Variants in AFF3 observed in about 807,000 individuals in gnomAD.
The protein encoded by AFF3 is ALF transcription elongation factor 3.
In AFF3, 32 loss-of-function variants were observed where a neutral mutation model predicts 129.7. The observed-to-expected ratio is 0.25, with a 90% CI of 0.19 to 0.33. The LOEUF (loss-of-function observed/expected upper bound fraction) is 0.33. Ranked by LOEUF, AFF3 falls within the 10% of genes least tolerant of loss-of-function variation. AFF3 has a pLI of 1.00. For synonymous variants in AFF3, 644 were observed against 635.4 expected, an observed-to-expected ratio of 1.01 and a Z score of -0.20; for missense variants, 1,373 against 1,592.0, an observed-to-expected ratio of 0.86 and a Z score of 2.34.
chr2:99,690,639 A>T (rs182323208), intron 11 of AFF3, among the ~76,000 whole-genome samples: 5 of 152,290 alleles, frequency 3.3e-5, no homozygotes, highest in African/African-American at 1.2e-4. Context: ...GGTGCTTATG[A>T]AATAAAAGTT....
chr2:99,649,571 T>C, intron 13 of AFF3, 55 bp downstream of exon 13: 2 of 1,555,186 alleles, frequency 1.3e-6, no homozygotes, highest in South Asian at 1.1e-5. Flanking sequence ...CCACAATAAA[T>C]AGGGCTCAAT....
intron 18 of AFF3, among the ~76,000 whole-genome samples, chr2:99,571,012 C>G (rs1676427109): frequency 1.3e-5 from 2 of 152,254 alleles, no homozygotes; most frequent in South Asian, 4.1e-4. Flanking sequence ...ATCTTCTGAG[C>G]TGTACTGGGC....
chr2:99,600,662 T>C (rs1403829044), intron 14 of AFF3, among the ~76,000 whole-genome samples: 3 of 152,226 alleles, frequency 2.0e-5, no homozygotes, highest in Non-Finnish European at 4.4e-5. Flanking sequence ...AACTCTATTT[T>C]ACTCCTTGTT....
chr2:99,558,978 A>G lies in AFF3; in HGVS notation c.3192-10T>C, dbSNP rs548516852. On this transcript the variant is annotated splice_polypyrimidine_tract_variant and intron_variant, in intron 21 of 24. Coordinates refer to ENST00000672756, the MANE Select transcript of AFF3 (RefSeq NM_001386135.1). The stretch of plus-strand genomic sequence containing the variant: ...GGCCAGGCATCGGTAACTGCAGGCG[A>G]AAAGAGAAACAGGCCCAGAAGCGGC... The G allele has an allele frequency of 2.5e-5, 41 of 1,614,056 alleles. No homozygotes were observed. The South Asian group carries it at 4.0e-4, about 16-fold the overall frequency.
intron 20 of AFF3, 50 bp from the exon 21 acceptor site, chr2:99,560,486 G>T (rs1424374910): frequency 1.3e-6 from 2 of 1,551,882 alleles, no homozygotes; most frequent in Non-Finnish European, 1.8e-6. Context: ...AAAAAGCAAA[G>T]AAATAGTAAA....
chr2:99,854,176 T>C (rs1400006669), intron 7 of AFF3, among the ~76,000 whole-genome samples: 1 of 150,890 alleles, frequency 6.6e-6, no homozygotes, highest in Non-Finnish European at 1.5e-5. Flanking sequence ...GCAGTAGGAA[T>C]ATCTGCCAAA....
chr2:100,055,936 C>A (rs533829044), intron 4 of AFF3, among the ~76,000 whole-genome samples: 24 of 151,960 alleles, frequency 1.6e-4, no homozygotes, highest in Non-Finnish European at 3.2e-4. Flanking sequence ...CTTTCAGAGT[C>A]GGAGAAGGAA....
chr2:99,696,706 G>A (rs562039557), intron 11 of AFF3, among the ~76,000 whole-genome samples: 16 of 81,358 alleles, frequency 2.0e-4, no homozygotes, highest in African/African-American at 7.3e-4. Context: ...GCCCAGGCTG[G>A]AGTGCAGTGG....
chr2:100,089,107 G>A (rs1043579257), intron 4 of AFF3, among the ~76,000 whole-genome samples: 1 of 152,060 alleles, frequency 6.6e-6, no homozygotes, highest in Non-Finnish European at 1.5e-5. Context: ...TGCTCTGGGG[G>A]CTCCTGATAA....
At chr2:99,577,405 C>G (rs974061730) in intron 18 of AFF3, among the ~76,000 whole-genome samples, 1 of 152,086 alleles carries the variant, frequency 6.6e-6, no homozygotes, top group Non-Finnish European at 1.5e-5. Flanking sequence ...CCCCGCTGAG[C>G]GAGCTGTGGC....
chr2:100,024,296 C>T (rs777373916), intron 4 of AFF3, among the ~76,000 whole-genome samples: 4 of 149,380 alleles, frequency 2.7e-5, no homozygotes, highest in Non-Finnish European at 3.0e-5. Context: ...TAAAACAGGC[C>T]GGGCAGGGTG....
intron 8 of AFF3, among the ~76,000 whole-genome samples, chr2:99,815,353 ACTT>A (rs1415279320): frequency 6.6e-6 from 1 of 152,176 alleles, no homozygotes; most frequent in African/African-American, 2.4e-5. Context: ...CATCTGTAGA[ACTT>A]CTCCATCTTC....
At chr2:99,857,781 T>C (rs535716130) in intron 7 of AFF3, among the ~76,000 whole-genome samples, 3 of 152,338 alleles carry the variant, frequency 2.0e-5, no homozygotes, top group South Asian at 2.1e-4. Context: ...TTGTCACATT[T>C]TTCCTTGACT....
chr2:99,747,219 G>T (rs774731318), intron 9 of AFF3, among the ~76,000 whole-genome samples: 2 of 151,998 alleles, frequency 1.3e-5, no homozygotes, highest in Non-Finnish European at 2.9e-5. Context: ...TAGTAGAGAT[G>T]GGGTTTCACC....
intron 11 of AFF3, among the ~76,000 whole-genome samples, chr2:99,702,401 G>A (rs539011267): frequency 4.6e-5 from 7 of 152,164 alleles, no homozygotes; most frequent in Non-Finnish European, 1.0e-4. Flanking sequence ...GTGCAGTGGC[G>A]CCATCCCAGC....
chr2:99,940,066 C>T (rs1028594857), intron 7 of AFF3, among the ~76,000 whole-genome samples: 4 of 152,086 alleles, frequency 2.6e-5, no homozygotes, highest in African/African-American at 7.2e-5. Context: ...CTGCCAAATG[C>T]GTATGTCTAA....
rs116987767 is a variant in AFF3, at chr2:99,696,572, C to T, written c.1092-23983G>A. Reference sequence around the variant, plus strand: ...CTTCCTTCTGTATTAGACATGGTCTCTGGAAGCCCAGAGCATGGACTAACA... The same window carrying T: ...CTTCCTTCTGTATTAGACATGGTCTTTGGAAGCCCAGAGCATGGACTAACA... On this transcript the variant is annotated intron_variant, in intron 11 of 24. Transcript: ENST00000672756. 1.6e-3 allele frequency among the ~76,000 whole-genome samples: 245 copies of T among 152,306 alleles called. 4 individuals are homozygous for T. The East Asian group carries it at 0.042, about 26-fold the overall frequency.
chr2:99,960,818 G>A (rs1224821274), intron 7 of AFF3, among the ~76,000 whole-genome samples: 1 of 152,140 alleles, frequency 6.6e-6, no homozygotes, highest in Non-Finnish European at 1.5e-5. Context: ...GAAGAGGAAG[G>A]CGTTCCAGGA....
At chr2:100,095,375 T>C (rs1471736918) in intron 4 of AFF3, among the ~76,000 whole-genome samples, 1 of 151,986 alleles carries the variant, frequency 6.6e-6, no homozygotes, top group African/African-American at 2.4e-5. Flanking sequence ...TTACAAGAAA[T>C]GGTTAAACAC....
Sources: gnomAD v4.1 joint callset for allele counts (sites outside exome capture counted in the v4.1 genomes callset) on GRCh38, gnomAD v4.1.1 for gene constraint, MANE v1.5 for transcripts, NCBI Gene and HGNC (gene_info 2026-07-23, HGNC 2026-07-21) for gene names.